NR3C2: variants seen among roughly 807,000 people sequenced by gnomAD.
NR3C2 encodes mineralocorticoid receptor.
Under a neutral mutation model 86.4 loss-of-function variants are expected in NR3C2, and 15 were observed. That is an observed-to-expected ratio of 0.17 (90% CI 0.12 to 0.27). The LOEUF is 0.27. NR3C2 is among the 10% of genes least tolerant of loss of function. The pLI, the probability that NR3C2 is intolerant of heterozygous loss-of-function variation, is 1.00. For synonymous variants in NR3C2, 458 were observed against 450.5 expected (o/e 1.02, Z -0.21); for missense variants, 960 against 1,195.6 (o/e 0.80, Z 2.91).
intron 3 of NR3C2, among the ~76,000 whole-genome samples, chr4:148,197,796 A>T (rs896532913): frequency 1.3e-5 from 2 of 152,218 alleles, no homozygotes; most frequent in African/African-American, 2.4e-5. Flanking sequence ...TTATATTTTT[A>T]GTTGTGTAAA....
chr4:148,231,526 C>T (rs565777642), intron 3 of NR3C2, among the ~76,000 whole-genome samples: 1 of 152,266 alleles, frequency 6.6e-6, no homozygotes, highest in Non-Finnish European at 1.5e-5. Context: ...ATTAAAAATA[C>T]CTTATTTCTA....
chr4:148,199,042 T>C (rs192064822), intron 3 of NR3C2, among the ~76,000 whole-genome samples: 374 of 144,570 alleles, frequency 2.6e-3, no homozygotes, highest in African/African-American at 9.0e-3. Context: ...GCTTGCACCA[T>C]TGCACTCCAG....
At chr4:148,089,506 G>A (rs1167894269) in intron 8 of NR3C2, among the ~76,000 whole-genome samples, 5 of 152,242 alleles carry the variant, frequency 3.3e-5, no homozygotes, top group African/African-American at 1.2e-4. Flanking sequence ...GCTGGAGCAA[G>A]AGCGCTTTGA....
At chr4:148,371,741 C>T (rs1050071990) in intron 2 of NR3C2, among the ~76,000 whole-genome samples, 2 of 152,112 alleles carry the variant, frequency 1.3e-5, no homozygotes, top group Admixed American at 6.5e-5. Context: ...TTAATCCTCA[C>T]TAACCTGAGA....
intron 2 of NR3C2, among the ~76,000 whole-genome samples, chr4:148,389,575 G>A (rs1010342247): frequency 5.3e-5 from 8 of 151,922 alleles, no homozygotes; most frequent in Non-Finnish European, 8.8e-5. Context: ...GGAGTGAGAT[G>A]GGGCTTTCAT....
At chr4:148,377,627 C>T (rs1386697307) in intron 2 of NR3C2, among the ~76,000 whole-genome samples, 2 of 152,132 alleles carry the variant, frequency 1.3e-5, no homozygotes, top group Admixed American at 6.5e-5. Flanking sequence ...ATCATAGTAA[C>T]AATCATCATA....
intron 4 of NR3C2, among the ~76,000 whole-genome samples, chr4:148,172,056 C>T (rs1045118514): frequency 2.0e-5 from 3 of 152,072 alleles, no homozygotes; most frequent in Non-Finnish European, 1.5e-5. Context: ...TTAACCTACT[C>T]GTGTCGGGTT....
At chr4:148,249,032 T>G (rs1202982112) in intron 3 of NR3C2, among the ~76,000 whole-genome samples, 1 of 152,152 alleles carries the variant, frequency 6.6e-6, no homozygotes, top group Non-Finnish European at 1.5e-5. Context: ...GCAGTATCAT[T>G]CTGTATAACA....
chr4:148,089,284 C>T (rs1730957164), intron 8 of NR3C2, among the ~76,000 whole-genome samples: 1 of 152,288 alleles, frequency 6.6e-6, no homozygotes, highest in East Asian at 1.9e-4. Context: ...TTAATGTGCT[C>T]TGCACCCGCA....
chr4:148,213,796 A>T lies in NR3C2; in HGVS notation c.1898-18934T>A, dbSNP rs369307320. ...TTCTGTTTCATCCAGTAAAGCCATA[A>T]AATGAATACGCCACGAAACTACAGT... is the stretch of plus-strand genomic sequence containing the variant. On this transcript the variant is annotated intron_variant, in intron 3 of 8. Transcript: ENST00000358102. 1.4e-4 allele frequency among the ~76,000 whole-genome samples: 22 copies of T among 152,344 alleles called. No individual in the cohort carries two copies. In the South Asian group the frequency reaches 2.9e-3, roughly 20 times the overall value.
At chr4:148,171,883 G>T (rs1401462206) in intron 4 of NR3C2, among the ~76,000 whole-genome samples, 3 of 152,118 alleles carry the variant, frequency 2.0e-5, no homozygotes, top group Non-Finnish European at 4.4e-5. Flanking sequence ...TGTCAATCTT[G>T]AAGTTCCTGG....
At chr4:148,241,900 A>C (rs551377104) in intron 3 of NR3C2, among the ~76,000 whole-genome samples, 1 of 152,336 alleles carries the variant, frequency 6.6e-6, no homozygotes, top group African/African-American at 2.4e-5. Flanking sequence ...CATCATAAAA[A>C]TATTTTATTA....
intron 4 of NR3C2, among the ~76,000 whole-genome samples, chr4:148,156,689 AC>A (rs200973102): frequency 0.34 from 51,126 of 151,568 alleles, 9,394 homozygotes; most frequent in East Asian, 0.51. Context: ...AAATAGGAAC[AC>A]TTTTACACTG....
At chr4:148,408,185 T>A (rs1019171394) in intron 2 of NR3C2, among the ~76,000 whole-genome samples, 8 of 152,124 alleles carry the variant, frequency 5.3e-5, no homozygotes, top group Non-Finnish European at 8.8e-5. Flanking sequence ...TACCTCTAAG[T>A]GAATGTGTTT....
intron 3 of NR3C2, among the ~76,000 whole-genome samples, chr4:148,255,135 G>A (rs1034882374): frequency 4.0e-5 from 6 of 151,780 alleles, no homozygotes; most frequent in African/African-American, 1.5e-4. Flanking sequence ...TCTTGCTCAT[G>A]AGTGTGTGCA....
At chr4:148,341,516 A>G (rs779681963) in intron 2 of NR3C2, among the ~76,000 whole-genome samples, 2 of 152,118 alleles carry the variant, frequency 1.3e-5, no homozygotes, top group Non-Finnish European at 2.9e-5. Context: ...GTTAGATAAA[A>G]GGAATAAGAC....
chr4:148,253,799 C>T (rs1455522785), intron 3 of NR3C2, among the ~76,000 whole-genome samples: 1 of 152,102 alleles, frequency 6.6e-6, no homozygotes, highest in African/African-American at 2.4e-5. Context: ...TTAATCTTTT[C>T]ATCACCCCCT....
chr4:148,405,708 C>G (rs1748386407), intron 2 of NR3C2, among the ~76,000 whole-genome samples: 1 of 152,220 alleles, frequency 6.6e-6, no homozygotes, highest in Non-Finnish European at 1.5e-5. Context: ...TAGAGAAAAT[C>G]TCCAAAGGGA....
intron 2 of NR3C2, among the ~76,000 whole-genome samples, chr4:148,288,991 C>A (rs1394687366): frequency 5.9e-5 from 9 of 151,934 alleles, no homozygotes; most frequent in Non-Finnish European, 1.3e-4. Flanking sequence ...AATGAGGGTG[C>A]AATAGGGGAA....
Sources: allele counts gnomAD v4.1 joint callset (sites outside exome capture counted in the v4.1 genomes callset), GRCh38; gene constraint gnomAD v4.1.1; transcripts MANE v1.5; gene names NCBI Gene and HGNC (gene_info 2026-07-23, HGNC 2026-07-21).